RAD52: variants seen among roughly 807,000 people sequenced by gnomAD.
RAD52 encodes the protein RAD52 DNA repair protein.
In RAD52, 47 loss-of-function variants were observed where a neutral mutation model predicts 55.5. The ratio of observed to expected loss-of-function variants is 0.85; its 90% CI spans 0.67 to 1.08. The LOEUF (loss-of-function observed/expected upper bound fraction) is 1.08, where lower values mean the gene tolerates loss of function less well. Among genes scored for constraint, RAD52 ranks in the 50% least tolerant of loss-of-function variants. RAD52 has a pLI of 0.00. For missense variants in RAD52, 468 were observed against 522.8 expected, an observed-to-expected ratio of 0.90 and a Z score of 1.02; for synonymous variants, 184 against 198.9, an observed-to-expected ratio of 0.92 and a Z score of 0.63.
chr12:925,106 T>A (rs918976898), intron 7 of RAD52, among the ~76,000 whole-genome samples: 2 of 151,750 alleles, frequency 1.3e-5, no homozygotes, highest in Admixed American at 6.6e-5. Context: ...GCCCACCACC[T>A]CGCCCGGCTA....
rs763358680 is a variant in RAD52, at chr12:916,749, G to T, written c.615C>A (p.Tyr205Ter). ...DLEPSVEEAR[Y>*]NSCRPNMALG... ...GGGCCATGTTCGGTCGGCAGCTGTT[G>T]TATCTTGCCTCCTCCACAGACGGTT... The change falls in exon 8 of 12, where the codon TAC (tyrosine) becomes TAA (stop). Residue 205 changes from tyrosine to a stop codon, truncating the protein, a stop_gained. Transcript: ENST00000358495. LOFTEE classifies it high-confidence loss of function. 5.0e-6 allele frequency: 8 copies of T among 1,614,208 alleles called. No individual in the cohort carries two copies. In the Admixed American group the frequency reaches 1.0e-4, roughly 20 times the overall value.
chr12:986,372 T>A (rs1289509508), intron 1 of RAD52, among the ~76,000 whole-genome samples: 1 of 151,754 alleles, frequency 6.6e-6, no homozygotes, highest in Non-Finnish European at 1.5e-5. Context: ...CCTGCTTTTG[T>A]TTTTATTTTT....
At chr12:977,993 G>A (rs1358812777) in intron 1 of RAD52, among the ~76,000 whole-genome samples, 1 of 152,174 alleles carries the variant, frequency 6.6e-6, no homozygotes, top group African/African-American at 2.4e-5. Context: ...GCAGAACACT[G>A]ACAACATTTG....
At chr12:971,500 T>G (rs984568515) in intron 1 of RAD52, among the ~76,000 whole-genome samples, 1 of 152,122 alleles carries the variant, frequency 6.6e-6, no homozygotes, top group Admixed American at 6.6e-5. Flanking sequence ...GCAGCCATGG[T>G]CAGATCACAG....
chr12:975,429 C>T (rs1047629900), intron 1 of RAD52: 3 of 152,128 alleles, frequency 2.0e-5, no homozygotes, highest in Non-Finnish European at 4.4e-5. Context: ...TCTCATATTC[C>T]TCTCTCCAAA....
intron 1 of RAD52, chr12:977,125 C>G (rs1256327332): frequency 6.6e-6 from 1 of 152,214 alleles, no homozygotes; most frequent in Admixed American, 6.5e-5. Context: ...AATAAAAGCA[C>G]ACATGTAAGG....
At chr12:931,813 G>A (rs187429142) in intron 2 of RAD52, among the ~76,000 whole-genome samples, 1 of 152,294 alleles carries the variant, frequency 6.6e-6, no homozygotes, top group African/African-American at 2.4e-5. Flanking sequence ...AGGAAGCCTT[G>A]CTTCCATTTG....
At chr12:915,846 G>A (rs960342799) in intron 9 of RAD52, among the ~76,000 whole-genome samples, 1 of 152,018 alleles carries the variant, frequency 6.6e-6, no homozygotes, top group Non-Finnish European at 1.5e-5. Flanking sequence ...TCCCGAGTAG[G>A]GGGGACCACA....
upstream of RAD52, among the ~76,000 whole-genome samples, chr12:950,227 C>A (rs1485774037): frequency 6.6e-6 from 1 of 152,192 alleles, no homozygotes; most frequent in African/African-American, 2.4e-5. Flanking sequence ...CGGTTAGCGA[C>A]GACCGCAGGG....
intron 1 of RAD52, among the ~76,000 whole-genome samples, chr12:956,311 G>A (rs541138086): frequency 1.3e-5 from 2 of 152,160 alleles, no homozygotes; most frequent in Non-Finnish European, 2.9e-5. Flanking sequence ...TCAGCACTTA[G>A]AACAACCCTG....
chr12:951,067 T>A (rs1223058038), upstream of RAD52, among the ~76,000 whole-genome samples: 1 of 152,204 alleles, frequency 6.6e-6, no homozygotes, highest in Non-Finnish European at 1.5e-5. Flanking sequence ...TGAGCATTTT[T>A]ATGAACCTGT....
intron 6 of RAD52, 115 bp from the exon 7 acceptor site, chr12:925,640 G>A: frequency 1.3e-6 from 1 of 766,386 alleles, no homozygotes; most frequent in Non-Finnish European, 2.3e-6. Context: ...AGAGGAAGTG[G>A]ACCCTAACAT....
At chr12:941,072 T>C (rs566222754) in intron 1 of RAD52, among the ~76,000 whole-genome samples, 1 of 152,198 alleles carries the variant, frequency 6.6e-6, no homozygotes, top group African/African-American at 2.4e-5. Context: ...TCTGCAAATC[T>C]CAAGAATAAA....
At chr12:929,095 G>T (rs1957192272) in intron 5 of RAD52, among the ~76,000 whole-genome samples, 1 of 151,990 alleles carries the variant, frequency 6.6e-6, no homozygotes, top group Admixed American at 6.6e-5. Context: ...CAAATCCCTG[G>T]GCTCAAGCAG....
At chr12:977,023 G>A (rs1958943067) in intron 1 of RAD52, 1 of 152,470 alleles carries the variant, frequency 6.6e-6, no homozygotes, top group Non-Finnish European at 1.5e-5. Context: ...GTCTGAGTTG[G>A]CTCCACAGTC....
At position 913,041 on chromosome 12, in the gene RAD52, C is replaced by A; in HGVS notation, c.*350G>T. On this transcript the variant is annotated 3_prime_UTR_variant, in exon 12 of 12. Transcript: ENST00000358495. ...AATTGCTGAGGCAGGTGCTTAGGAC[C>A]AAGTCTGGCCTATATTGCTTGAGGG... The A allele has an allele frequency of 4.1e-6, 1 of 245,218 alleles. No individual in the cohort carries two copies. 15.2% of individuals were successfully genotyped at this position (245,218 alleles called of 1,614,324 possible).
intron 7 of RAD52, among the ~76,000 whole-genome samples, chr12:923,411 G>A (rs1410612599): frequency 6.6e-6 from 1 of 151,944 alleles, no homozygotes; most frequent in East Asian, 1.9e-4. Flanking sequence ...TTAGCTAGGT[G>A]CACTGGCACA....
Position 914,263 on chromosome 12 carries a change from G to C in RAD52, c.968-142C>G, listed in dbSNP as rs552482792. ...GAATTTCTCTCCCCTCCCCCTAAAA[G>C]TACACTTCCCTTTGGTTAGGACCAA... On this transcript the variant is annotated intron_variant, in intron 10 of 11. Coordinates refer to ENST00000358495, the MANE Select transcript of RAD52 (RefSeq NM_134424.4). 7.7e-6 allele frequency: 10 copies of C among 1,294,414 alleles called. 1 individual carries two copies. In the African/African-American group the frequency reaches 1.0e-4, roughly 14 times the overall value. 80.2% of individuals were successfully genotyped at this position (1,294,414 alleles called of 1,614,324 possible). A position where few individuals can be genotyped will look rare whatever the true frequency, so the allele number is the denominator to read the frequency against.
At chr12:951,960 T>A (rs185518596), upstream of RAD52, among the ~76,000 whole-genome samples, 38 of 152,284 alleles carry the variant, frequency 2.5e-4, no homozygotes, top group Admixed American at 9.2e-4. Context: ...TCTTTTTTTT[T>A]ATGAAAAACT....
Sources: allele counts gnomAD v4.1 joint callset (sites outside exome capture counted in the v4.1 genomes callset), GRCh38; gene constraint gnomAD v4.1.1; transcripts MANE v1.5; gene names NCBI Gene and HGNC (gene_info 2026-07-23, HGNC 2026-07-21).